CNTN6: variants seen among roughly 807,000 people sequenced by gnomAD.
CNTN6 encodes the protein contactin-6.
CNTN6 carries 137 observed loss-of-function variants against 122.8 expected under a neutral mutation model. The observed-to-expected ratio is 1.12, with a 90% CI of 0.97 to 1.29. The LOEUF (loss-of-function observed/expected upper bound fraction) is 1.29, where lower values mean the gene tolerates loss of function less well. Ranked by LOEUF, CNTN6 falls within the 50% of genes most tolerant of loss-of-function variation. The probability of loss-of-function intolerance (pLI) is 0.00; values close to 1 mark genes in which losing one functional copy is unlikely to be tolerated. For missense variants in CNTN6, 1,634 were observed against 1,223.4 expected, an observed-to-expected ratio of 1.34 and a Z score of -5.01; for synonymous variants, 570 against 426.0, an observed-to-expected ratio of 1.34 and a Z score of -4.16.
At chr3:1,162,906 A>G (rs1261069481) in intron 2 of CNTN6, among the ~76,000 whole-genome samples, 2 of 152,170 alleles carry the variant, frequency 1.3e-5, no homozygotes, top group Non-Finnish European at 2.9e-5. Context: ...AATCACTCCA[A>G]ATGAGAAATG....
chr3:1,186,811 A>AT (rs1290725153), intron 2 of CNTN6, among the ~76,000 whole-genome samples: 14 of 145,144 alleles, frequency 9.6e-5, no homozygotes, highest in African/African-American at 2.8e-4. Flanking sequence ...CATTCTTTTT[A>AT]TTTTTTTCTT....
intron 4 of CNTN6, among the ~76,000 whole-genome samples, chr3:1,231,748 T>C (rs1365026020): frequency 6.6e-6 from 1 of 152,238 alleles, no homozygotes; most frequent in East Asian, 1.9e-4. Flanking sequence ...TATTGTCATA[T>C]AATCTGTCCT....
chr3:1,194,310 C>T (rs1404415300), intron 2 of CNTN6, among the ~76,000 whole-genome samples: 1 of 152,098 alleles, frequency 6.6e-6, no homozygotes, highest in Non-Finnish European at 1.5e-5. Context: ...AGTACCTGTA[C>T]AGGGCATCAT....
intron 9 of CNTN6, 139 bp downstream of exon 9, chr3:1,326,090 T>C (rs1701505268): frequency 3.1e-6 from 2 of 639,422 alleles, no homozygotes; most frequent in East Asian, 3.0e-5. Flanking sequence ...TACACTGATT[T>C]ATTTAATCCT....
At chr3:1,243,291 G>T (rs893965105) in intron 4 of CNTN6, among the ~76,000 whole-genome samples, 1 of 152,186 alleles carries the variant, frequency 6.6e-6, no homozygotes, top group African/African-American at 2.4e-5. Context: ...GGGGAAGGAG[G>T]TTCTGGGGGA....
rs1252439840 is a variant in CNTN6 at position 1,239,425 on chromosome 3, G to A, written c.358+11432G>A. 2.2e-5 allele frequency among the ~76,000 whole-genome samples: 3 copies of A among 135,472 alleles called. No homozygotes were observed. In the East Asian group the frequency reaches 7.2e-4, roughly 32 times the overall value. The allele number at this position is 135,472 out of a possible 152,430, so 88.9% of individuals were successfully genotyped here. ...GAACTCCACCCCTTTCACAATATCT[G>A]CAAAAACAAACAAACAAACACTTAG... On this transcript the variant is annotated intron_variant, in intron 4 of 22. Coordinates refer to ENST00000446702, the MANE Select transcript of CNTN6 (RefSeq NM_001289080.2).
chr3:1,134,214 G>A (rs2092413627), intron 1 of CNTN6, among the ~76,000 whole-genome samples: 1 of 152,118 alleles, frequency 6.6e-6, no homozygotes, highest in Non-Finnish European at 1.5e-5. Flanking sequence ...TTTGGCCACA[G>A]CATCTCGACT....
chr3:1,262,815 T>G, intron 4 of CNTN6, among the ~76,000 whole-genome samples: 2 of 152,142 alleles, frequency 1.3e-5, no homozygotes, highest in East Asian at 3.9e-4. Context: ...ATAATAAATA[T>G]TTACTGTACA....
At position 1,203,610 on chromosome 3, in the gene CNTN6, T is replaced by G. The variant is rs568311451; in HGVS notation, c.56-17077T>G. 2.0e-5 allele frequency among the ~76,000 whole-genome samples: 3 copies of G among 152,312 alleles called. No homozygotes were observed. The South Asian group carries it at 6.2e-4, about 32-fold the overall frequency. On this transcript the variant is annotated intron_variant, in intron 2 of 22. Transcript: ENST00000446702. ...GTTTAGCCCAAATGCGTTGATTTCATGAAGATATTTATGTTGACAATAAAC... is the reference window on the plus strand; with the variant it reads ...GTTTAGCCCAAATGCGTTGATTTCAGGAAGATATTTATGTTGACAATAAAC...
At chr3:1,106,974 A>G (rs997447823) in intron 1 of CNTN6, among the ~76,000 whole-genome samples, 17 of 152,110 alleles carry the variant, frequency 1.1e-4, no homozygotes, top group African/African-American at 3.1e-4. Context: ...TTATCTATCT[A>G]TCTATCTCTC....
chr3:1,266,729 C>G (rs528803879), intron 4 of CNTN6, among the ~76,000 whole-genome samples: 2 of 152,264 alleles, frequency 1.3e-5, no homozygotes, highest in Admixed American at 6.5e-5. Context: ...GGCCTCACTC[C>G]ATTGAAATCA....
intron 4 of CNTN6, among the ~76,000 whole-genome samples, chr3:1,233,593 G>GAC (rs2094382196): frequency 6.6e-6 from 1 of 151,662 alleles, no homozygotes; most frequent in Non-Finnish European, 1.5e-5. Flanking sequence ...AAATTAGCCG[G>GAC]GTGTGGTGGT....
chr3:1,095,963 G>A (rs2124917625), intron 1 of CNTN6, among the ~76,000 whole-genome samples: 1 of 152,174 alleles, frequency 6.6e-6, no homozygotes, highest in South Asian at 2.1e-4. Context: ...TTTTTGGGTT[G>A]TTAGATTTCA....
chr3:1,387,394 T>G (rs944438237), intron 20 of CNTN6, among the ~76,000 whole-genome samples: 1 of 152,236 alleles, frequency 6.6e-6, no homozygotes, highest in Non-Finnish European at 1.5e-5. Flanking sequence ...GCCAGATAAC[T>G]TGGATGTATG....
At chr3:1,266,244 T>A (rs556463401) in intron 4 of CNTN6, among the ~76,000 whole-genome samples, 1 of 152,316 alleles carries the variant, frequency 6.6e-6, no homozygotes, top group East Asian at 1.9e-4. Context: ...TCCTTATCAC[T>A]GAACCTAATT....
chr3:1,373,820 T>C, intron 15 of CNTN6, 58 bp downstream of exon 15: 1 of 1,496,516 alleles, frequency 6.7e-7, no homozygotes, highest in Non-Finnish European at 8.9e-7. Context: ...CCAATAATTT[T>C]AATAAATGCA....
At chr3:1,353,391 A>G (rs1469203381) in intron 12 of CNTN6, among the ~76,000 whole-genome samples, 1 of 151,686 alleles carries the variant, frequency 6.6e-6, no homozygotes, top group Admixed American at 6.6e-5. Context: ...CCCACCTTTG[A>G]GCCTGGAAGA....
intron 2 of CNTN6, among the ~76,000 whole-genome samples, chr3:1,196,281 A>C (rs1011629655): frequency 5.3e-5 from 8 of 151,918 alleles, no homozygotes; most frequent in African/African-American, 1.9e-4. Flanking sequence ...GAAAACCTTC[A>C]GCATAGTGGC....
intron 11 of CNTN6, among the ~76,000 whole-genome samples, chr3:1,331,389 A>G (rs1702268397): frequency 6.6e-6 from 1 of 152,036 alleles, no homozygotes; most frequent in South Asian, 2.1e-4. Context: ...CCAGCTTTAC[A>G]GAAAGGCTGT....
Sources: gnomAD v4.1 joint callset for allele counts (sites outside exome capture counted in the v4.1 genomes callset) on GRCh38, gnomAD v4.1.1 for gene constraint, MANE v1.5 for transcripts, NCBI Gene and HGNC (gene_info 2026-07-23, HGNC 2026-07-21) for gene names.